Variants in PBX1 observed in about 807,000 individuals in gnomAD.
PBX1 encodes the protein pre-B-cell leukemia transcription factor 1.
Under a neutral mutation model 53.4 loss-of-function variants are expected in PBX1, and 6 were observed. The observed-to-expected ratio is 0.11, with a 90% CI of 0.06 to 0.22. The LOEUF (loss-of-function observed/expected upper bound fraction) is 0.22. Ranked by LOEUF, PBX1 falls within the 10% of genes least tolerant of loss-of-function variation. The pLI is 1.00. For synonymous variants in PBX1, 204 were observed against 212.3 expected (o/e 0.96, Z 0.34); for missense variants, 251 against 551.4 (o/e 0.46, Z 5.46).
At chr1:164,662,155 G>C (rs1244693017) in intron 2 of PBX1, among the ~76,000 whole-genome samples, 1 of 152,046 alleles carries the variant, frequency 6.6e-6, no homozygotes, top group Non-Finnish European at 1.5e-5. Flanking sequence ...GCAAATCCCT[G>C]TCTCTACTAA....
chr1:164,793,097 A>T (rs186012800), intron 3 of PBX1, among the ~76,000 whole-genome samples: 79 of 152,322 alleles, frequency 5.2e-4, no homozygotes, highest in Middle Eastern at 3.4e-3. Flanking sequence ...GGTGATCAGC[A>T]GAGTCACCAG....
At chr1:164,777,653 A>G (rs866041541) in intron 2 of PBX1, among the ~76,000 whole-genome samples, 3 of 152,180 alleles carry the variant, frequency 2.0e-5, no homozygotes, top group African/African-American at 7.2e-5. Flanking sequence ...TCTGTTCATA[A>G]TTATTTACAT....
rs188207526 is a variant in PBX1, at chr1:164,655,145, C to G, written c.265+91834C>G. Among the ~76,000 whole-genome samples the G allele has an allele frequency of 6.0e-3, 855 of 142,386 alleles. 4 individuals are homozygous for G. The highest frequency in any genetic ancestry group is 0.011 in the Middle Eastern group (3 of 284). 93.4% of individuals were successfully genotyped at this position (142,386 alleles called of 152,430 possible). On this transcript the variant is annotated intron_variant, in intron 2 of 8. Transcript: ENST00000420696. ...TTTATTTTTTTAAGACGGAATTTCA[C>G]TTTTGTTGCCCAGGCTGGAGTGCAA... is the stretch of plus-strand genomic sequence containing the variant.
intron 2 of PBX1, among the ~76,000 whole-genome samples, chr1:164,609,995 C>T (rs943131908): frequency 6.6e-6 from 1 of 152,182 alleles, no homozygotes; most frequent in East Asian, 1.9e-4. Context: ...ACAGAACCCC[C>T]AAGACCGGAA....
At chr1:164,726,214 C>T (rs566541002) in intron 2 of PBX1, among the ~76,000 whole-genome samples, 2 of 152,302 alleles carry the variant, frequency 1.3e-5, no homozygotes, top group South Asian at 2.1e-4. Context: ...TTGGTCAACC[C>T]ACGGTTGCCT....
intron 3 of PBX1, among the ~76,000 whole-genome samples, chr1:164,796,019 A>T (rs1363706096): frequency 4.9e-5 from 7 of 142,604 alleles, no homozygotes; most frequent in South Asian, 2.2e-4. Context: ...TTTTGAAGAC[A>T]TTTTTTTTTT....
At chr1:164,613,291 G>C (rs1414803856) in intron 2 of PBX1, among the ~76,000 whole-genome samples, 1 of 152,146 alleles carries the variant, frequency 6.6e-6, no homozygotes, top group Non-Finnish European at 1.5e-5. Context: ...TATGCATACG[G>C]AAAACCTTTC....
chr1:164,861,741 A>G (rs893607743), intron 2 of PBX1, among the ~76,000 whole-genome samples: 2 of 152,210 alleles, frequency 1.3e-5, no homozygotes, highest in Admixed American at 1.3e-4. Context: ...TTGACTAAAA[A>G]GGTGATTTTG....
At chr1:164,875,580 C>T (rs1420388348) in intron 2 of PBX1, among the ~76,000 whole-genome samples, 1 of 152,110 alleles carries the variant, frequency 6.6e-6, no homozygotes, top group Non-Finnish European at 1.5e-5. Flanking sequence ...ATTACTGGGG[C>T]AAGCCACCAT....
chr1:164,710,398 G>GT (rs1409568039), intron 2 of PBX1, among the ~76,000 whole-genome samples: 4 of 151,896 alleles, frequency 2.6e-5, no homozygotes, highest in Admixed American at 1.3e-4. Flanking sequence ...GAAGGTGCTG[G>GT]TTTTTTTCTT....
At chr1:164,853,451 C>T (rs1234892962), downstream of PBX1, among the ~76,000 whole-genome samples, 2 of 152,144 alleles carry the variant, frequency 1.3e-5, no homozygotes, top group East Asian at 3.9e-4. Flanking sequence ...AGAGACATTT[C>T]CATGTCAGCA....
In PBX1 at chr1:164,820,230, A is replaced by G. The variant is rs1286212598; in HGVS notation, c.1110+46A>G. The G allele has an allele frequency of 8.5e-6, 9 of 1,059,258 alleles. No individual in the cohort carries two copies. In the East Asian group the frequency reaches 2.1e-4, roughly 25 times the overall value. The allele number at this position is 1,059,258 out of a possible 1,614,324, so 65.6% of individuals were successfully genotyped here. A position where few individuals can be genotyped will look rare whatever the true frequency, so the allele number is the denominator to read the frequency against. On this transcript the variant is annotated intron_variant, in intron 7 of 8. Coordinates refer to ENST00000420696, the MANE Select transcript of PBX1 (RefSeq NM_002585.4). ...TCACCAGGTGAATGCCTTAGAGTCC[A>G]AGAGCCCTCAGTTGTATTGGACTTC...
intron 2 of PBX1, among the ~76,000 whole-genome samples, chr1:164,790,988 G>C (rs1668477826): frequency 6.6e-6 from 1 of 152,158 alleles, no homozygotes; most frequent in South Asian, 2.1e-4. Flanking sequence ...GTGCTCTGGT[G>C]TGTGGATATC....
At chr1:164,687,012 A>G (rs1314973295) in intron 2 of PBX1, among the ~76,000 whole-genome samples, 4 of 152,088 alleles carry the variant, frequency 2.6e-5, no homozygotes, top group Non-Finnish European at 5.9e-5. Flanking sequence ...TGATGCATTG[A>G]CCTTTCGTAA....
At chr1:164,624,417 C>T (rs1278837576) in intron 2 of PBX1, among the ~76,000 whole-genome samples, 4 of 152,158 alleles carry the variant, frequency 2.6e-5, no homozygotes, top group Non-Finnish European at 4.4e-5. Context: ...TAAAATCATT[C>T]AGCTGTTTGA....
chr1:164,872,089 C>T (rs1672397036), intron 2 of PBX1, among the ~76,000 whole-genome samples: 1 of 152,126 alleles, frequency 6.6e-6, no homozygotes, highest in South Asian at 2.1e-4. Flanking sequence ...GGACCTTCTC[C>T]CTAGTGAAAA....
At chr1:164,715,621 T>C (rs12089454) in intron 2 of PBX1, among the ~76,000 whole-genome samples, 63,077 of 152,008 alleles carry the variant, frequency 0.41, 13,884 homozygotes, top group South Asian at 0.73. Flanking sequence ...ATAATAGGTA[T>C]TTGATAAATA....
At chr1:164,828,500 C>T (rs1490247412) in intron 8 of PBX1, 2 of 152,200 alleles carry the variant, frequency 1.3e-5, no homozygotes, top group African/African-American at 4.8e-5. Context: ...TGTGAGATGA[C>T]AGCGTATGCT....
At chr1:164,619,308 A>G (rs1657515860) in intron 2 of PBX1, among the ~76,000 whole-genome samples, 1 of 152,118 alleles carries the variant, frequency 6.6e-6, no homozygotes, top group Non-Finnish European at 1.5e-5. Flanking sequence ...GGGGCATTGG[A>G]TCTTCACTGC....
Sources: allele counts gnomAD v4.1 joint callset (sites outside exome capture counted in the v4.1 genomes callset), GRCh38; gene constraint gnomAD v4.1.1; transcripts MANE v1.5; gene names NCBI Gene and HGNC (gene_info 2026-07-23, HGNC 2026-07-21).